The following CSGALNACT2 variants were observed in gnomAD, a reference collection of about 807,000 sequenced individuals.
CSGALNACT2 encodes the protein chondroitin sulfate N-acetylgalactosaminyltransferase 2.
A neutral mutation model predicts 55.3 loss-of-function variants in CSGALNACT2; 35 were observed. The ratio of observed to expected loss-of-function variants is 0.63; its 90% CI spans 0.48 to 0.84. The LOEUF (loss-of-function observed/expected upper bound fraction) is 0.84, where lower values mean the gene tolerates loss of function less well. Among genes scored for constraint, CSGALNACT2 ranks in the 40% least tolerant of loss-of-function variants. The probability of loss-of-function intolerance (pLI) is 0.00; values close to 1 mark genes in which losing one functional copy is unlikely to be tolerated. For synonymous variants in CSGALNACT2, 196 were observed against 224.9 expected, an observed-to-expected ratio of 0.87 and a Z score of 1.15; for missense variants, 544 against 657.5, an observed-to-expected ratio of 0.83 and a Z score of 1.89.
intron 1 of CSGALNACT2, among the ~76,000 whole-genome samples, chr10:43,143,701 C>A (rs950745439): frequency 5.3e-5 from 8 of 152,120 alleles, no homozygotes; most frequent in Non-Finnish European, 1.2e-4. Flanking sequence ...TTTTGCTGTG[C>A]CACAGTTTGG....
chr10:43,139,887 T>C (rs372013759), intron 1 of CSGALNACT2, among the ~76,000 whole-genome samples: 1 of 152,206 alleles, frequency 6.6e-6, no homozygotes, highest in African/African-American at 2.4e-5. Context: ...TTGTATATGA[T>C]GTGTTTTGGA....
At chr10:43,140,552 A>G (rs920120395) in intron 1 of CSGALNACT2, among the ~76,000 whole-genome samples, 4 of 152,236 alleles carry the variant, frequency 2.6e-5, no homozygotes, top group African/African-American at 9.6e-5. Context: ...TTTAACTGTT[A>G]GACAAGTCTG....
chr10:43,168,238 G>A (rs1839308663), intron 6 of CSGALNACT2, among the ~76,000 whole-genome samples: 1 of 152,124 alleles, frequency 6.6e-6, no homozygotes, highest in Non-Finnish European at 1.5e-5. Flanking sequence ...GGATCACAAG[G>A]TCAGGAGTTC....
At chr10:43,149,718 A>G (rs1163025866) in intron 1 of CSGALNACT2, among the ~76,000 whole-genome samples, 1 of 152,094 alleles carries the variant, frequency 6.6e-6, no homozygotes, top group Non-Finnish European at 1.5e-5. Context: ...TTCCTCTTCT[A>G]TTTTTTGGAA....
intron 1 of CSGALNACT2, among the ~76,000 whole-genome samples, chr10:43,153,072 C>T (rs1838911497): frequency 6.6e-6 from 1 of 151,962 alleles, no homozygotes. Flanking sequence ...GTAAAAGACT[C>T]CCTTGGCCAG....
At chr10:43,178,312 T>C (rs1343957069) in intron 7 of CSGALNACT2, among the ~76,000 whole-genome samples, 1 of 152,160 alleles carries the variant, frequency 6.6e-6, no homozygotes, top group African/African-American at 2.4e-5. Flanking sequence ...CTTTAAACCA[T>C]CTCTAGATTG....
rs1405232561 is a variant in CSGALNACT2 at position 43,158,708 on chromosome 10, C to A, written c.662-7C>A. 9 of 1,538,852 alleles carry A rather than the reference C, an allele frequency of 5.8e-6. No individual in the cohort carries two copies. The highest frequency in any genetic ancestry group is 8.1e-6 in the Non-Finnish European group (9 of 1,114,158). ...GAGACGTCTTTGTTCCTAACTCTTT[C>A]CTTTAGGTTATTATCGCACTGAGAG... On this transcript the variant is annotated splice_polypyrimidine_tract_variant and splice_region_variant and intron_variant, in intron 2 of 7. Transcript: ENST00000374466.
At chr10:43,167,198 C>T (rs1447898132) in intron 6 of CSGALNACT2, 100 bp downstream of exon 6, 8 of 750,654 alleles carry the variant, frequency 1.1e-5, no homozygotes, top group African/African-American at 1.8e-5. Context: ...AACTGTATTT[C>T]CATGAGCAAA....
At chr10:43,165,025 C>G (rs1380531723) in intron 5 of CSGALNACT2, among the ~76,000 whole-genome samples, 3 of 151,890 alleles carry the variant, frequency 2.0e-5, no homozygotes, top group African/African-American at 7.3e-5. Context: ...AGATGGAGAC[C>G]ATCCTGGCTA....
chr10:43,166,960 T>C, intron 5 of CSGALNACT2, 44 bp from the exon 6 acceptor site: 1 of 1,215,156 alleles, frequency 8.2e-7, no homozygotes, highest in Admixed American at 1.8e-5. Flanking sequence ...GAACAGTTCT[T>C]CATAACTTCT....
intron 1 of CSGALNACT2, among the ~76,000 whole-genome samples, chr10:43,153,452 G>T (rs982418854): frequency 6.6e-6 from 1 of 151,332 alleles, no homozygotes; most frequent in Non-Finnish European, 1.5e-5. Context: ...TGGTATATTG[G>T]CCATAAGAAG....
intron 6 of CSGALNACT2, among the ~76,000 whole-genome samples, chr10:43,169,594 A>G (rs1385207506): frequency 1.3e-5 from 2 of 152,184 alleles, no homozygotes; most frequent in Non-Finnish European, 2.9e-5. Context: ...ACGAGATAAC[A>G]TGAGAGAAAA....
At chr10:43,174,582 A>G (rs2133149505) in intron 6 of CSGALNACT2, among the ~76,000 whole-genome samples, 1 of 151,310 alleles carries the variant, frequency 6.6e-6, no homozygotes, top group Admixed American at 6.6e-5. Context: ...TTCACTCCCC[A>G]CTCCTGCCCA....
intron 6 of CSGALNACT2, among the ~76,000 whole-genome samples, chr10:43,170,345 G>C (rs1225397260): frequency 6.6e-6 from 1 of 152,086 alleles, no homozygotes; most frequent in African/African-American, 2.4e-5. Flanking sequence ...TGATTCCAGG[G>C]CAGGGGCAAA....
intron 3 of CSGALNACT2, among the ~76,000 whole-genome samples, chr10:43,159,855 G>C (rs1839106696): frequency 6.6e-6 from 1 of 152,110 alleles, no homozygotes; most frequent in South Asian, 2.1e-4. Context: ...TTGATATACT[G>C]GTTTAATGCT....
intron 7 of CSGALNACT2, among the ~76,000 whole-genome samples, chr10:43,178,841 A>G (rs1406264636): frequency 6.6e-6 from 1 of 151,892 alleles, no homozygotes; most frequent in Non-Finnish European, 1.5e-5. Flanking sequence ...TTCTCCTTTG[A>G]CACTCACTGT....
At position 43,163,909 on chromosome 10, in the gene CSGALNACT2, G is replaced by T; in HGVS notation, c.1024G>T (p.Glu342Ter). 1 of 1,614,102 alleles carries T rather than the reference G, an allele frequency of 6.2e-7. No individual in the cohort carries two copies. The highest frequency in any genetic ancestry group is 8.5e-7 in the Non-Finnish European group (1 of 1,180,008). ...TTACACCTTGGTCTCATTGAATGAA[G>T]AATTTAATCGTGGACGAGGACTAAA... is the stretch of plus-strand genomic sequence containing the variant. Reference protein sequence around the residue: ...HNYTLVSLNEEFNRGRGLNVG... With the variant: ...HNYTLVSLNE The change falls in exon 5 of 8, where the codon GAA becomes TAA. Residue 342 changes from glutamate to a stop codon, truncating the protein, a stop_gained. Transcript: ENST00000374466. LOFTEE classifies it high-confidence loss of function.
chr10:43,176,719 C>CGTT (rs1839487815), intron 7 of CSGALNACT2, among the ~76,000 whole-genome samples: 1 of 152,198 alleles, frequency 6.6e-6, no homozygotes, highest in Non-Finnish European at 1.5e-5. Flanking sequence ...CGTGCACCAC[C>CGTT]ACACCCAGTT....
At chr10:43,164,799 A>G (rs532183068) in intron 5 of CSGALNACT2, among the ~76,000 whole-genome samples, 5 of 151,806 alleles carry the variant, frequency 3.3e-5, no homozygotes, top group African/African-American at 1.2e-4. Flanking sequence ...GTAAGCCAAG[A>G]TCATGCCACT....
Sources: gnomAD v4.1 joint callset for allele counts (sites outside exome capture counted in the v4.1 genomes callset) on GRCh38, gnomAD v4.1.1 for gene constraint, MANE v1.5 for transcripts, NCBI Gene and HGNC (gene_info 2026-07-23, HGNC 2026-07-21) for gene names.